Variants in NEIL3 observed in about 807,000 individuals in gnomAD.
NEIL3 encodes nei like DNA glycosylase 3.
NEIL3 carries 48 observed loss-of-function variants against 57.5 expected under a neutral mutation model. The ratio of observed to expected loss-of-function variants is 0.83; its 90% CI spans 0.66 to 1.06. The LOEUF (loss-of-function observed/expected upper bound fraction) is 1.06. Among genes scored for constraint, NEIL3 ranks in the 50% least tolerant of loss-of-function variants. The probability of loss-of-function intolerance (pLI) is 0.00; values close to 1 mark genes in which losing one functional copy is unlikely to be tolerated. For missense variants in NEIL3, 717 were observed against 739.1 expected (o/e 0.97, Z 0.35); for synonymous variants, 261 against 253.2 (o/e 1.03, Z -0.29).
In NEIL3 at chr4:177,361,772, T is replaced by C. The variant is rs547159067; in HGVS notation, c.1636-517T>C. Among the ~76,000 whole-genome samples, 5 of 152,264 alleles carry C rather than the reference T, an allele frequency of 3.3e-5. No homozygotes were observed. In the South Asian group the frequency reaches 1.0e-3, roughly 32 times the overall value. On this transcript the variant is annotated intron_variant, in intron 9 of 9. Transcript: ENST00000264596. ...TATTAAAATCATGACAAATCTTTGA[T>C]CTTACAGGGTTTTTTTTGTTGTTGT...
chr4:177,360,338 A>G (rs970001784), intron 8 of NEIL3, among the ~76,000 whole-genome samples, 165 bp from the exon 9 acceptor site: 1 of 152,216 alleles, frequency 6.6e-6, no homozygotes. Flanking sequence ...ACCTGGGAAA[A>G]CAAAGAATAA....
chr4:177,357,963 C>A (rs1292324634), intron 8 of NEIL3, among the ~76,000 whole-genome samples: 1 of 152,108 alleles, frequency 6.6e-6, no homozygotes, highest in African/African-American at 2.4e-5. Context: ...TTTTATAAAA[C>A]AAAGAGGAAC....
rs182846469 is a variant in NEIL3, at chr4:177,321,239, G to T, written c.157-1220G>T. ...TTCCCCACTCCCACTGCCCACCAAG[G>T]TTTCGTTCAGAATCTTCTGAGGATC... On this transcript the variant is annotated intron_variant, in intron 1 of 9. Transcript: ENST00000264596. 3.4e-4 allele frequency among the ~76,000 whole-genome samples: 52 copies of T among 152,132 alleles called. 1 individual carries two copies. Among genetic ancestry groups the T allele is most frequent in the Admixed American group, 6.5e-4 (10 of 15,268 alleles).
In NEIL3 at chr4:177,357,366, A is replaced by AT. The variant is rs111326874; in HGVS notation, c.1461-3127dup. On this transcript the variant is annotated intron_variant, in intron 8 of 9. Coordinates refer to ENST00000264596, the MANE Select transcript of NEIL3 (RefSeq NM_018248.3). The stretch of plus-strand genomic sequence containing the variant: ...TCTTAAAACGTGAGTTTTTTGTGTG[A>AT]TTTTTTTTTTAAGTTCATCAGCTGT... Among the ~76,000 whole-genome samples the AT allele has an allele frequency of 7.0e-3, 1,048 of 150,504 alleles. 6 individuals are homozygous for AT. Among genetic ancestry groups the AT allele is most frequent in the East Asian group, 0.026 (136 of 5,138 alleles).
intron 1 of NEIL3, among the ~76,000 whole-genome samples, chr4:177,315,031 T>A (rs1261394754): frequency 7.2e-6 from 1 of 139,588 alleles, no homozygotes; most frequent in Non-Finnish European, 1.5e-5. Context: ...ATCGCGCCAC[T>A]GCACTCGAGC....
At position 177,353,502 on chromosome 4, in the gene NEIL3, C is replaced by T. The variant is rs1480109907; in HGVS notation, c.1234C>T (p.Leu412=). Residue 412 remains leucine, a synonymous_variant, in exon 8 of 10, where the codon CTA becomes TTA. Coordinates refer to ENST00000264596, the MANE Select transcript of NEIL3 (RefSeq NM_018248.3). The part of the protein sequence containing the change: ...LERKTKQNQI[L]DEEFQNSPPA... ...AAGAAAAACAAAGCAAAACCAGATA[C>T]TAGATGAGGAGTTTCAAAACTCTCC... The T allele has an allele frequency of 1.9e-6, 3 of 1,613,564 alleles. No individual in the cohort carries two copies. The highest frequency in any genetic ancestry group is 2.7e-5 in the African/African-American group (2 of 74,860).
Position 177,362,382 on chromosome 4 carries a change from T to C in NEIL3, c.1729T>C (p.Phe577Leu). The C allele has an allele frequency of 6.2e-7, 1 of 1,613,864 alleles. No homozygotes were observed. ...KIGPNNGKNFFVCPLGKEKQC... is the reference protein window; with the variant it reads ...KIGPNNGKNFLVCPLGKEKQC... ...TGGACCTAACAATGGAAAGAATTTT[T>C]TTGTGTGTCCTCTTGGGAAGGAAAA... is the stretch of plus-strand genomic sequence containing the variant. Residue 577 changes from phenylalanine (F) to leucine (L), a missense_variant, in exon 10 of 10, where the codon TTT becomes CTT. Phe to Leu is a conservative substitution (Grantham distance 22). Transcript: ENST00000264596.
At chr4:177,335,850 C>T (rs776428520) in intron 3 of NEIL3, 28 bp downstream of exon 3, 22 of 1,509,044 alleles carry the variant, frequency 1.5e-5, no homozygotes, top group South Asian at 4.2e-5. Context: ...AAAGTACTTA[C>T]GCTGCAATAC....
At chr4:177,359,438 A>T (rs937804253) in intron 8 of NEIL3, among the ~76,000 whole-genome samples, 2 of 152,196 alleles carry the variant, frequency 1.3e-5, no homozygotes, top group African/African-American at 4.8e-5. Context: ...GAACATTTCA[A>T]TTAGATATGA....
intron 2 of NEIL3, among the ~76,000 whole-genome samples, chr4:177,327,739 T>A (rs1229175355): frequency 2.0e-5 from 3 of 152,220 alleles, no homozygotes; most frequent in East Asian, 1.9e-4. Context: ...AATCAAAAAA[T>A]TTCCCTTTTA....
At chr4:177,324,637 T>C (rs149758373) in intron 2 of NEIL3, among the ~76,000 whole-genome samples, 75 of 152,318 alleles carry the variant, frequency 4.9e-4, no homozygotes, top group African/African-American at 1.7e-3. Flanking sequence ...GATTAATACC[T>C]GTACAACTTC....
At chr4:177,317,788 G>A (rs1239521700) in intron 1 of NEIL3, among the ~76,000 whole-genome samples, 1 of 151,498 alleles carries the variant, frequency 6.6e-6, no homozygotes, top group Non-Finnish European at 1.5e-5. Flanking sequence ...TTTTAGTAGA[G>A]TTTTCATCAT....
chr4:177,313,112 G>A (rs757734857), intron 1 of NEIL3, among the ~76,000 whole-genome samples: 7 of 152,136 alleles, frequency 4.6e-5, no homozygotes, highest in Non-Finnish European at 7.4e-5. Flanking sequence ...TTTAATAACT[G>A]CATACTGCAT....
chr4:177,315,792 G>GT (rs1362209096), intron 1 of NEIL3, among the ~76,000 whole-genome samples: 1 of 152,164 alleles, frequency 6.6e-6, no homozygotes, highest in Non-Finnish European at 1.5e-5. Flanking sequence ...ATGGCCAATT[G>GT]TAAGTTGAAA....
At chr4:177,334,628 T>G (rs1395216072) in intron 2 of NEIL3, among the ~76,000 whole-genome samples, 1 of 152,174 alleles carries the variant, frequency 6.6e-6, no homozygotes, top group African/African-American at 2.4e-5. Flanking sequence ...AGGCACACAT[T>G]TTTCCTGTCA....
At chr4:177,341,411 G>T in intron 5 of NEIL3, 65 bp from the exon 6 acceptor site, 2 of 1,372,932 alleles carry the variant, frequency 1.5e-6, no homozygotes, top group Non-Finnish European at 1.9e-6. Flanking sequence ...TCGAGAATGT[G>T]TCTTTGGCTC....
intron 2 of NEIL3, among the ~76,000 whole-genome samples, chr4:177,329,984 T>C (rs1734851555): frequency 6.6e-6 from 1 of 152,122 alleles, no homozygotes; most frequent in Non-Finnish European, 1.5e-5. Flanking sequence ...GGATCTCTGC[T>C]CATTGCAGCC....
chr4:177,343,700 G>A (rs1222352942), intron 6 of NEIL3: 6 of 151,768 alleles, frequency 4.0e-5, no homozygotes, highest in African/African-American at 1.5e-4. Flanking sequence ...GCTTCACCCC[G>A]TGTTACTATC....
downstream of NEIL3, among the ~76,000 whole-genome samples, chr4:177,364,755 C>G (rs970897537): frequency 6.6e-6 from 1 of 151,982 alleles, no homozygotes; most frequent in South Asian, 2.1e-4. Context: ...TGGTGAAACC[C>G]TGTCTCTACT....
Sources: gnomAD v4.1 joint callset for allele counts (sites outside exome capture counted in the v4.1 genomes callset) on GRCh38, gnomAD v4.1.1 for gene constraint, MANE v1.5 for transcripts, NCBI Gene and HGNC (gene_info 2026-07-23, HGNC 2026-07-21) for gene names.